RAG1: variants seen among roughly 807,000 people sequenced by gnomAD.
RAG1 encodes recombination activating 1, also known as V(D)J recombination-activating protein 1.
RAG1 carries 35 observed loss-of-function variants against 62.7 expected under a neutral mutation model. That is an observed-to-expected ratio of 0.56 (90% confidence interval 0.43 to 0.74). RAG1 has a LOEUF of 0.74. Ranked by LOEUF, RAG1 falls within the 30% of genes least tolerant of loss-of-function variation. The pLI, the probability that RAG1 is intolerant of heterozygous loss-of-function variation, is 0.00. For synonymous variants in RAG1, 461 were observed against 470.3 expected (o/e 0.98, Z 0.26); for missense variants, 1,169 against 1,278.6 (o/e 0.91, Z 1.31).
chr11:36,576,086 A>G lies in RAG1; in HGVS notation c.2782A>G (p.Lys928Glu). The change falls in exon 2 of 2, where the codon AAG becomes GAG. Residue 928 changes from lysine to glutamate, a missense_variant. Lys to Glu is a moderately conservative substitution (Grantham distance 56, BLOSUM62 1). Around this residue, in one of 2 missense-constraint regions of RAG1, gnomAD observed 800 missense variants for 943.3 expected, o/e 0.85. Coordinates refer to ENST00000299440, the MANE Select transcript of RAG1 (RefSeq NM_000448.3). ...TGCTGAGCTCCTTTCTACGAAGTTC[A>G]AGTATAGGTATGAGGGAAAAATCAC... ...RFAELLSTKF[K>E]YRYEGKITNY... 2 of 1,614,018 alleles carry G rather than the reference A, an allele frequency of 1.2e-6. No individual in the cohort carries two copies. Among genetic ancestry groups the G allele is most frequent in the Non-Finnish European group, 1.7e-6 (2 of 1,180,026 alleles).
intron 1 of RAG1, among the ~76,000 whole-genome samples, chr11:36,571,881 G>A (rs4151015): frequency 3.4e-3 from 517 of 152,284 alleles, no homozygotes; most frequent in Non-Finnish European, 5.7e-3. Context: ...ACCTCCCAAA[G>A]TGTTGGGATC....
At chr11:36,527,173 A>G (rs1860175828) in intron 2 of RAG1, among the ~76,000 whole-genome samples, 1 of 152,100 alleles carries the variant, frequency 6.6e-6, no homozygotes, top group African/African-American at 2.4e-5. Flanking sequence ...CTATGTCCTG[A>G]ATGGTATTGC....
chr11:36,566,799 T>G (rs1850668455), upstream of RAG1, among the ~76,000 whole-genome samples: 1 of 152,222 alleles, frequency 6.6e-6, no homozygotes, highest in South Asian at 2.1e-4. Context: ...CTGCCTTGTC[T>G]TTAGTGAGCA....
At chr11:36,547,522 T>C (rs1230330537) in intron 3 of RAG1, among the ~76,000 whole-genome samples, 1 of 152,168 alleles carries the variant, frequency 6.6e-6, no homozygotes, top group Non-Finnish European at 1.5e-5. Context: ...CTAGAAAATC[T>C]AGAAGAAATG....
chr11:36,565,218 C>A (rs73453401), upstream of RAG1, among the ~76,000 whole-genome samples: 4 of 152,132 alleles, frequency 2.6e-5, no homozygotes, highest in African/African-American at 9.7e-5. Context: ...CAAAATGCAG[C>A]GTTCACACAC....
chr11:36,536,886 G>A (rs1317974852), downstream of RAG1, among the ~76,000 whole-genome samples: 1 of 149,884 alleles, frequency 6.7e-6, no homozygotes, highest in Non-Finnish European at 1.5e-5. Flanking sequence ...AGCCTCCCGA[G>A]TAGCTGGGAC....
At chr11:36,560,547 G>T (rs1276679560) in intron 3 of RAG1, among the ~76,000 whole-genome samples, 1 of 152,136 alleles carries the variant, frequency 6.6e-6, no homozygotes, top group Non-Finnish European at 1.5e-5. Flanking sequence ...TTTATTGGTG[G>T]CTCTGCTCTC....
Position 36,574,138 on chromosome 11 carries a change from C to T in RAG1, c.834C>T (p.Leu278=). 15 of 1,614,192 alleles carry T rather than the reference C, an allele frequency of 9.3e-6. No homozygotes were observed. The highest frequency in any genetic ancestry group is 7.7e-5 in the South Asian group (7 of 91,080). ...GTAAGATACATCTTAGTACCAAGCTCCTTGCAGTGGACTTCCCAGAGCACT... is the reference window on the plus strand; with the variant it reads ...GTAAGATACATCTTAGTACCAAGCTTCTTGCAGTGGACTTCCCAGAGCACT... The part of the protein sequence containing the change: ...NCSKIHLSTK[L]LAVDFPEHFV... The change falls in exon 2 of 2, where the codon CTC becomes CTT. Residue 278 remains leucine (L), a synonymous_variant. Coordinates refer to ENST00000299440, the MANE Select transcript of RAG1 (RefSeq NM_000448.3).
intron 2 of RAG1, among the ~76,000 whole-genome samples, chr11:36,527,761 C>A (rs1860187474): frequency 6.7e-6 from 1 of 149,522 alleles, no homozygotes; most frequent in Admixed American, 6.7e-5. Context: ...TTATTTCCTT[C>A]AAGTTCTCCT....
intron 1 of RAG1, among the ~76,000 whole-genome samples, chr11:36,515,855 A>G (rs967801955): frequency 6.6e-6 from 1 of 152,206 alleles, no homozygotes; most frequent in Non-Finnish European, 1.5e-5. Context: ...AAGTTCTCCA[A>G]AATTTCCAAG....
In RAG1 at chr11:36,576,082, G is replaced by T; in HGVS notation, c.2778G>T (p.Lys926Asn). ...SQRFAELLST[K>N]FKYRYEGKIT... ...GTTTTGCTGAGCTCCTTTCTACGAA[G>T]TTCAAGTATAGGTATGAGGGAAAAA... Residue 926 changes from lysine to asparagine, a missense_variant, in exon 2 of 2, where the codon AAG (lysine) becomes AAT (asparagine). Transcript: ENST00000299440. The T allele has an allele frequency of 6.2e-6, 10 of 1,614,046 alleles. No homozygotes were observed. Among genetic ancestry groups the T allele is most frequent in the Non-Finnish European group, 8.5e-6 (10 of 1,180,046 alleles).
Position 36,576,224 on chromosome 11 carries a change from T to C in RAG1, c.2920T>C (p.Phe974Leu), listed in dbSNP as rs1319784061. ...NESGNKLFRR[F>L]RKMNARQSKC... ...GTCTGGTAACAAACTGTTTAGGCGC[T>C]TCCGGAAAATGAATGCCAGGCAGTC... The change falls in exon 2 of 2, where the codon TTC becomes CTC. Residue 974 changes from phenylalanine to leucine, a missense_variant. Physicochemically the swap from Phe to Leu is conservative, Grantham distance 22 (BLOSUM62 0). Coordinates refer to ENST00000299440, the MANE Select transcript of RAG1 (RefSeq NM_000448.3). 3 of 1,614,092 alleles carry C rather than the reference T, an allele frequency of 1.9e-6. No individual in the cohort carries two copies. The highest frequency in any genetic ancestry group is 8.5e-7 in the Non-Finnish European group (1 of 1,180,038).
intron 1 of RAG1, among the ~76,000 whole-genome samples, chr11:36,514,135 C>T (rs1046579899): frequency 5.9e-5 from 9 of 152,196 alleles, no homozygotes; most frequent in African/African-American, 9.7e-5. Flanking sequence ...AATAGCCAGA[C>T]GATTGCTGAG....
At chr11:36,572,606 T>C (rs1308728060) in intron 1 of RAG1, among the ~76,000 whole-genome samples, 1 of 152,242 alleles carries the variant, frequency 6.6e-6, no homozygotes, top group Non-Finnish European at 1.5e-5. Flanking sequence ...CCGTGTTTTT[T>C]GTTTCTAATG....
chr11:36,539,649 G>A (rs1484889776), downstream of RAG1, among the ~76,000 whole-genome samples: 6 of 152,112 alleles, frequency 3.9e-5, no homozygotes, highest in African/African-American at 1.4e-4. Context: ...CACGCCTGGC[G>A]ATATTTTTAG....
chr11:36,516,297 A>G (rs1035612088), intron 1 of RAG1, among the ~76,000 whole-genome samples: 1 of 152,154 alleles, frequency 6.6e-6, no homozygotes, highest in Non-Finnish European at 1.5e-5. Context: ...GTGTGGTAAA[A>G]ATCACTGTTG....
intron 2 of RAG1, among the ~76,000 whole-genome samples, chr11:36,528,516 C>T (rs1860201578): frequency 6.6e-6 from 1 of 152,078 alleles, no homozygotes; most frequent in Non-Finnish European, 1.5e-5. Context: ...AAATTTGTAG[C>T]ATTAAGTGGC....
At chr11:36,528,952 C>T (rs543208540) in intron 2 of RAG1, among the ~76,000 whole-genome samples, 2 of 152,092 alleles carry the variant, frequency 1.3e-5, no homozygotes, top group South Asian at 2.1e-4. Flanking sequence ...CAGGAGAAGT[C>T]GAATCTCTGT....
upstream of RAG1, chr11:36,567,351 C>G (rs1233202338): frequency 6.6e-6 from 1 of 152,156 alleles, no homozygotes. Flanking sequence ...TATTATTAAT[C>G]TTAGGTTGCA....
Sources: allele counts gnomAD v4.1 joint callset (sites outside exome capture counted in the v4.1 genomes callset), GRCh38; gene constraint gnomAD v4.1.1; regional missense constraint gnomAD v4.1.1; transcripts MANE v1.5; gene names NCBI Gene and HGNC (gene_info 2026-07-23, HGNC 2026-07-21).